ARNT2: variants seen among roughly 807,000 people sequenced by gnomAD.
ARNT2 encodes aryl hydrocarbon receptor nuclear translocator 2.
Under a neutral mutation model 91.7 loss-of-function variants are expected in ARNT2, and 36 were observed. The ratio of observed to expected loss-of-function variants is 0.39; its 90% CI spans 0.30 to 0.52. The LOEUF (loss-of-function observed/expected upper bound fraction) is 0.52. Among genes scored for constraint, ARNT2 ranks in the 20% least tolerant of loss-of-function variants. The pLI, the probability that ARNT2 is intolerant of heterozygous loss-of-function variation, is 0.72. For missense variants in ARNT2, 775 were observed against 939.3 expected (o/e 0.83, Z 2.29); for synonymous variants, 365 against 347.1 (o/e 1.05, Z -0.57).
At chr15:80,574,496 T>C (rs1396945937) in intron 13 of ARNT2, among the ~76,000 whole-genome samples, 6 of 152,184 alleles carry the variant, frequency 3.9e-5, no homozygotes. Flanking sequence ...ATGCGTGAAC[T>C]GTAGTATGAG....
In ARNT2 at chr15:80,459,781, C is replaced by G. The variant is rs183855352; in HGVS notation, c.194+1805C>G. Among the ~76,000 whole-genome samples, 174 of 152,280 alleles carry G rather than the reference C, an allele frequency of 1.1e-3. 1 individual carries two copies. Among genetic ancestry groups the G allele is most frequent in the African/African-American group, 4.0e-3 (165 of 41,560 alleles). ...GGCATCTGTGAACCATATCATTTCC[C>G]CCATGAAAAATAAGGAAGATAGGAT... On this transcript the variant is annotated intron_variant, in intron 3 of 18. Transcript: ENST00000303329.
At chr15:80,406,069 G>C (rs548225574) in intron 1 of ARNT2, among the ~76,000 whole-genome samples, 1 of 152,332 alleles carries the variant, frequency 6.6e-6, no homozygotes, top group Non-Finnish European at 1.5e-5. Context: ...GGGGAGGCCA[G>C]AATTGGTGGC....
At chr15:80,568,757 T>C (rs2141472274) in intron 12 of ARNT2, among the ~76,000 whole-genome samples, 1 of 152,264 alleles carries the variant, frequency 6.6e-6, no homozygotes, top group South Asian at 2.1e-4. Flanking sequence ...GCCCCACAGG[T>C]TCTACCTGCG....
rs377682773 is a variant in ARNT2, at chr15:80,431,221, G to A, written c.32-19659G>A. On this transcript the variant is annotated intron_variant, in intron 1 of 18. Transcript: ENST00000303329. ...CAGCCTTGGGCCTTGTGAACAGCAC[G>A]CCCCCTCTGTCCTCTCTGCATGTTC... Among the ~76,000 whole-genome samples, 101 of 152,230 alleles carry A rather than the reference G, an allele frequency of 6.6e-4. 1 individual carries two copies. In the East Asian group the frequency reaches 0.013, roughly 20 times the overall value.
At chr15:80,432,326 G>A (rs1245839398) in intron 1 of ARNT2, among the ~76,000 whole-genome samples, 1 of 152,144 alleles carries the variant, frequency 6.6e-6, no homozygotes, top group Non-Finnish European at 1.5e-5. Flanking sequence ...ATCAGAGGTT[G>A]GCAAATTATG....
intron 3 of ARNT2, among the ~76,000 whole-genome samples, chr15:80,464,381 A>G (rs866817076): frequency 2.0e-5 from 3 of 152,142 alleles, no homozygotes; most frequent in African/African-American, 7.2e-5. Flanking sequence ...GGGAAGCTGT[A>G]AGTTGCTATA....
Position 80,450,861 on chromosome 15 carries a change from T to G in ARNT2, c.32-19T>G. ...CTTTTCTGGCATTGACAAAACCTCTTGTCTTTGCTGAATTCCAGAAATGGC... is the reference window on the plus strand; with the variant it reads ...CTTTTCTGGCATTGACAAAACCTCTGGTCTTTGCTGAATTCCAGAAATGGC... On this transcript the variant is annotated intron_variant, in intron 1 of 18. Transcript: ENST00000303329. 1 of 1,613,110 alleles carries G rather than the reference T, an allele frequency of 6.2e-7. No homozygotes were observed. The highest frequency in any genetic ancestry group is 1.1e-5 in the South Asian group (1 of 91,072).
chr15:80,541,643 A>C (rs1827697515), intron 8 of ARNT2, among the ~76,000 whole-genome samples: 1 of 152,078 alleles, frequency 6.6e-6, no homozygotes, highest in Non-Finnish European at 1.5e-5. Context: ...ACCATTTTTT[A>C]ATTGAGGATA....
chr15:80,467,036 G>A (rs1032951298), intron 3 of ARNT2, among the ~76,000 whole-genome samples: 1 of 152,236 alleles, frequency 6.6e-6, no homozygotes, highest in Middle Eastern at 3.2e-3. Flanking sequence ...TTGGATAATA[G>A]TATCAGAAGC....
intron 18 of ARNT2, among the ~76,000 whole-genome samples, chr15:80,592,298 C>T (rs146219165): frequency 6.6e-6 from 1 of 152,352 alleles, no homozygotes; most frequent in Non-Finnish European, 1.5e-5. Context: ...TGCAGCCCCA[C>T]AGAGCAGGCC....
chr15:80,478,832 G>T (rs28516053), intron 5 of ARNT2, among the ~76,000 whole-genome samples: 3,226 of 152,310 alleles, frequency 0.021, 51 homozygotes, highest in East Asian at 0.052. Context: ...TTTTAAAATT[G>T]TATTAAAAGG....
At chr15:80,569,212 G>A (rs1898541323) in intron 12 of ARNT2, among the ~76,000 whole-genome samples, 1 of 152,130 alleles carries the variant, frequency 6.6e-6, no homozygotes, top group Admixed American at 6.5e-5. Context: ...CCTGTCCAGG[G>A]AGCATCAGGG....
chr15:80,584,361 G>A (rs907493546), intron 17 of ARNT2, among the ~76,000 whole-genome samples: 1 of 152,160 alleles, frequency 6.6e-6, no homozygotes, highest in African/African-American at 2.4e-5. Context: ...GAAGTGGAGT[G>A]CTGGCTGGGA....
At chr15:80,476,189 T>G (rs1234817439) in intron 5 of ARNT2, among the ~76,000 whole-genome samples, 1 of 152,206 alleles carries the variant, frequency 6.6e-6, no homozygotes, top group Admixed American at 6.5e-5. Flanking sequence ...TGTATGTTAT[T>G]GCGAAATGGT....
At chr15:80,554,051 T>C (rs924128258) in intron 10 of ARNT2, among the ~76,000 whole-genome samples, 24 of 152,250 alleles carry the variant, frequency 1.6e-4, no homozygotes, top group African/African-American at 5.5e-4. Flanking sequence ...AGTGTCAGCA[T>C]TCACTTAGAC....
At chr15:80,474,406 A>G (rs1037369065) in intron 4 of ARNT2, among the ~76,000 whole-genome samples, 1 of 152,170 alleles carries the variant, frequency 6.6e-6, no homozygotes, top group East Asian at 1.9e-4. Context: ...GATGATGGTG[A>G]TTATTGTCAG....
At chr15:80,407,879 C>T (rs1284618954) in intron 1 of ARNT2, among the ~76,000 whole-genome samples, 2 of 152,180 alleles carry the variant, frequency 1.3e-5, no homozygotes, top group Non-Finnish European at 2.9e-5. Flanking sequence ...ATTGTTCCAT[C>T]TTAATCTTTT....
intron 2 of ARNT2, among the ~76,000 whole-genome samples, chr15:80,455,927 G>T (rs1356693772): frequency 6.6e-6 from 1 of 152,150 alleles, no homozygotes; most frequent in Non-Finnish European, 1.5e-5. Context: ...TTGACAGCAC[G>T]CACGGGGTGT....
intron 3 of ARNT2, among the ~76,000 whole-genome samples, chr15:80,461,796 A>C (rs1896558205): frequency 6.6e-6 from 1 of 152,144 alleles, no homozygotes; most frequent in African/African-American, 2.4e-5. Flanking sequence ...AAAAGGAGTG[A>C]AGTCGCAGAG....
Sources: allele counts gnomAD v4.1 joint callset (sites outside exome capture counted in the v4.1 genomes callset), GRCh38; gene constraint gnomAD v4.1.1; transcripts MANE v1.5; gene names NCBI Gene and HGNC (gene_info 2026-07-23, HGNC 2026-07-21).